ERC2: variants seen among roughly 807,000 people sequenced by gnomAD.
The protein encoded by ERC2 is ERC protein 2.
A neutral mutation model predicts 114.8 loss-of-function variants in ERC2; 42 were observed. That is an observed-to-expected ratio of 0.37 (90% CI 0.29 to 0.47). ERC2 has a LOEUF of 0.47. ERC2 is among the 20% of genes least tolerant of loss of function. ERC2 has a pLI of 0.99. For missense variants in ERC2, 939 were observed against 1,150.7 expected (o/e 0.82, Z 2.66); for synonymous variants, 454 against 425.5 (o/e 1.07, Z -0.82).
Position 56,018,885 on chromosome 3 carries a change from C to G in ERC2, c.1779+9G>C, listed in dbSNP as rs1240962698. ...ATCCTGATTCCCCAGTTTTTGAGTG[C>G]ATGCTCACCTTCTCTGACAGAGCTT... On this transcript the variant is annotated intron_variant, in intron 8 of 17. Coordinates refer to ENST00000288221, the MANE Select transcript of ERC2 (RefSeq NM_015576.3). 6.2e-7 allele frequency: 1 copy of G among 1,607,988 alleles called. No individual in the cohort carries two copies. Among genetic ancestry groups the G allele is most frequent in the South Asian group, 1.1e-5 (1 of 89,198 alleles).
chr3:55,991,666 G>A (rs1258301789), intron 11 of ERC2, among the ~76,000 whole-genome samples: 1 of 152,102 alleles, frequency 6.6e-6, no homozygotes, highest in African/African-American at 2.4e-5. Flanking sequence ...TTCGGTTTTT[G>A]GTGTTGGTGG....
At chr3:56,032,419 A>G (rs2074427117) in intron 7 of ERC2, among the ~76,000 whole-genome samples, 2 of 152,168 alleles carry the variant, frequency 1.3e-5, no homozygotes, top group Non-Finnish European at 2.9e-5. Flanking sequence ...AAGCAAAGCA[A>G]TATATGCATT....
At chr3:55,705,601 T>A (rs983484790) in intron 15 of ERC2, among the ~76,000 whole-genome samples, 1 of 151,392 alleles carries the variant, frequency 6.6e-6, no homozygotes, top group Non-Finnish European at 1.5e-5. Context: ...GCTCTTGGCA[T>A]CTGTGTGTTT....
chr3:56,319,836 A>G (rs2057044325), intron 2 of ERC2, among the ~76,000 whole-genome samples: 1 of 152,072 alleles, frequency 6.6e-6, no homozygotes. Flanking sequence ...AGCAACAAAA[A>G]TGCTCTACAG....
intron 14 of ERC2, among the ~76,000 whole-genome samples, chr3:55,862,986 C>A (rs1426240381): frequency 6.6e-6 from 1 of 152,150 alleles, no homozygotes; most frequent in Admixed American, 6.6e-5. Context: ...TTGAAGTGAG[C>A]ACATTAATGG....
intron 14 of ERC2, among the ~76,000 whole-genome samples, chr3:55,804,709 C>G (rs1348008563): frequency 6.6e-6 from 1 of 152,080 alleles, no homozygotes; most frequent in African/African-American, 2.4e-5. Flanking sequence ...CTAACAGAAT[C>G]CAGGGACCTT....
chr3:55,977,372 G>GGCAGGGGGAGCATTTAAAAC (rs71099606), intron 12 of ERC2, among the ~76,000 whole-genome samples: 2 of 152,072 alleles, frequency 1.3e-5, no homozygotes, highest in African/African-American at 4.8e-5. Flanking sequence ...AGTGACAAAT[G>GGCAGGGGGAGCATTTAAAAC]TCAGATCAAA....
intron 17 of ERC2, among the ~76,000 whole-genome samples, chr3:55,552,564 A>T (rs2107430115): frequency 6.6e-6 from 1 of 152,248 alleles, no homozygotes. Context: ...TTTATGTGAA[A>T]AAGTTCATTA....
At chr3:56,380,971 A>G (rs1200932990) in intron 2 of ERC2, among the ~76,000 whole-genome samples, 2 of 152,226 alleles carry the variant, frequency 1.3e-5, no homozygotes, top group African/African-American at 4.8e-5. Flanking sequence ...CTGCAGAAGA[A>G]AAGAAAAACA....
intron 14 of ERC2, among the ~76,000 whole-genome samples, chr3:55,884,162 T>G (rs1443290034): frequency 6.6e-6 from 1 of 152,156 alleles, no homozygotes; most frequent in Non-Finnish European, 1.5e-5. Context: ...TAAAATAAAA[T>G]TAAACAGCAG....
intron 13 of ERC2, among the ~76,000 whole-genome samples, chr3:55,947,699 C>T (rs2067221371): frequency 6.6e-6 from 1 of 152,162 alleles, no homozygotes; most frequent in Admixed American, 6.5e-5. Context: ...CAAACCCACC[C>T]TAGAGCAGCT....
At chr3:55,649,278 T>A (rs1172115956) in intron 17 of ERC2, among the ~76,000 whole-genome samples, 1 of 115,544 alleles carries the variant, frequency 8.7e-6, no homozygotes, top group East Asian at 2.8e-4. Flanking sequence ...TTTTTTTTTT[T>A]GAGAGAGAGG....
At chr3:56,040,810 A>C (rs1010265187) in intron 7 of ERC2, among the ~76,000 whole-genome samples, 1 of 149,088 alleles carries the variant, frequency 6.7e-6, no homozygotes, top group Non-Finnish European at 1.5e-5. Flanking sequence ...AGAGAGATAC[A>C]TATAGATATA....
chr3:56,160,117 A>C (rs1427099438), intron 4 of ERC2, among the ~76,000 whole-genome samples: 1 of 152,188 alleles, frequency 6.6e-6, no homozygotes, highest in Non-Finnish European at 1.5e-5. Context: ...TACCACCAAC[A>C]GTGTATAAGC....
chr3:55,583,968 T>C (rs1260515213), intron 17 of ERC2, among the ~76,000 whole-genome samples: 3 of 152,178 alleles, frequency 2.0e-5, no homozygotes, highest in Non-Finnish European at 4.4e-5. Flanking sequence ...TCTTCACTTA[T>C]TATGTGATTC....
intron 2 of ERC2, among the ~76,000 whole-genome samples, chr3:56,371,247 C>T (rs947096079): frequency 6.6e-6 from 1 of 152,194 alleles, no homozygotes; most frequent in South Asian, 2.1e-4. Context: ...GCAGCAAGAG[C>T]CAGGATTTAG....
At chr3:56,124,914 C>A (rs1189409302) in intron 6 of ERC2, among the ~76,000 whole-genome samples, 2 of 152,188 alleles carry the variant, frequency 1.3e-5, no homozygotes, top group Non-Finnish European at 2.9e-5. Context: ...TCTCTGAAAT[C>A]TTACATAAAT....
chr3:55,885,292 A>G (rs2063307838), intron 14 of ERC2, among the ~76,000 whole-genome samples: 1 of 152,226 alleles, frequency 6.6e-6, no homozygotes, highest in Admixed American at 6.5e-5. Flanking sequence ...CAGTGTGTCA[A>G]TTCAGCTTAA....
At chr3:56,360,061 C>CTTT (rs5849149) in intron 2 of ERC2, among the ~76,000 whole-genome samples, 1,025 of 99,082 alleles carry the variant, frequency 0.01, 9 homozygotes, top group Non-Finnish European at 0.012. Context: ...TAACAAAAAT[C>CTTT]TTTTTTTTTT....
Sources: allele counts gnomAD v4.1 joint callset (sites outside exome capture counted in the v4.1 genomes callset), GRCh38; gene constraint gnomAD v4.1.1; transcripts MANE v1.5; gene names NCBI Gene and HGNC (gene_info 2026-07-23, HGNC 2026-07-21).